Variants in QRICH1 observed in about 807,000 individuals in gnomAD.
QRICH1 encodes the protein glutamine rich 1.
QRICH1 carries 16 observed loss-of-function variants against 87.1 expected under a neutral mutation model. The observed-to-expected ratio is 0.18, with a 90% CI of 0.12 to 0.28. The LOEUF is 0.28. Among genes scored for constraint, QRICH1 ranks in the 10% least tolerant of loss-of-function variants. The pLI is 1.00. For synonymous variants in QRICH1, 367 were observed against 368.4 expected (o/e 1.00, Z 0.05); for missense variants, 647 against 951.7 (o/e 0.68, Z 4.21).
rs1038971143 is a variant in QRICH1, at chr3:49,062,289, C to T, written c.310-4399G>A. On this transcript the variant is annotated intron_variant, in intron 2 of 9. Transcript: ENST00000395443. ...GGTGGAAGCTAGTGAGCCGAGATGG[C>T]GCCACTATACCCAGCCCAGTCAAGG... Among the ~76,000 whole-genome samples the T allele has an allele frequency of 6.7e-5, 10 of 150,318 alleles. No homozygotes were observed. The East Asian group carries it at 1.8e-3, about 26-fold the overall frequency.
chr3:49,069,392 A>C (rs1400030778), intron 2 of QRICH1, among the ~76,000 whole-genome samples: 1 of 151,776 alleles, frequency 6.6e-6, no homozygotes, highest in Non-Finnish European at 1.5e-5. Context: ...ATGAGCCACC[A>C]CACACAGCTG....
intron 3 of QRICH1, among the ~76,000 whole-genome samples, chr3:49,052,061 TATG>T (rs2093374175): frequency 6.6e-6 from 1 of 152,206 alleles, no homozygotes; most frequent in African/African-American, 2.4e-5. Context: ...TCTTGTATTT[TATG>T]ATTATTCTAT....
intron 8 of QRICH1, 72 bp downstream of exon 8, chr3:49,032,550 T>C: frequency 6.8e-7 from 1 of 1,466,456 alleles, no homozygotes. Context: ...ATCACTAGCC[T>C]CACAGGCACA....
chr3:49,087,486 A>G (rs1357638676), intron 1 of QRICH1, among the ~76,000 whole-genome samples: 1 of 151,528 alleles, frequency 6.6e-6, no homozygotes, highest in Non-Finnish European at 1.5e-5. Flanking sequence ...CGAAGGTTGC[A>G]GTGAGCCACG....
At position 49,057,076 on chromosome 3, in the gene QRICH1, ACCT is replaced by A; in HGVS notation, c.1121_1123del (p.Glu374del). On this transcript the variant is annotated inframe_deletion, in exon 3 of 10. Coordinates refer to ENST00000395443, the MANE Select transcript of QRICH1 (RefSeq NM_198880.3). The surrounding 1 kb of genome is among the most constrained non-coding windows in gnomAD (Gnocchi z 5.4). Reference sequence around the variant, plus strand: ...GAGAGAGTTTGCAAGGGTCTGCACTACCTCTTCATGGGAGTTTTTCACTACAGA... The same window carrying A: ...GAGAGAGTTTGCAAGGGTCTGCACTACTTCATGGGAGTTTTTCACTACAGA... 2.5e-6 allele frequency: 4 copies of A among 1,614,106 alleles called. No homozygotes were observed. The highest frequency in any genetic ancestry group is 3.4e-6 in the Non-Finnish European group (4 of 1,180,014).
At chr3:49,085,364 C>T (rs1438297839) in intron 1 of QRICH1, among the ~76,000 whole-genome samples, 3 of 149,868 alleles carry the variant, frequency 2.0e-5, no homozygotes, top group African/African-American at 7.4e-5. Context: ...ACGGTGAAAC[C>T]CCATCTCTAC....
chr3:49,044,499 A>G lies in QRICH1; in HGVS notation c.1677T>C (p.Leu559=). Residue 559 remains leucine, a synonymous_variant, in exon 6 of 10, where the codon CTT becomes CTC. Transcript: ENST00000395443. ...TGTCATCTACCCTTCCATTTTCAAA[A>G]AGATACTAAAAGAAAAACAATTAAT... ...YYIFLCIQKY[L]FENGRVDDIF... 6.3e-7 allele frequency: 1 copy of G among 1,596,050 alleles called. No homozygotes were observed. Among genetic ancestry groups the G allele is most frequent in the Non-Finnish European group, 8.6e-7 (1 of 1,165,302 alleles).
At chr3:49,066,748 A>C (rs1257410671) in intron 2 of QRICH1, among the ~76,000 whole-genome samples, 2 of 152,180 alleles carry the variant, frequency 1.3e-5, no homozygotes, top group Non-Finnish European at 2.9e-5. Flanking sequence ...CTTAGAAATC[A>C]TTTAAAAGGC....
intron 6 of QRICH1, among the ~76,000 whole-genome samples, chr3:49,034,604 G>A (rs190676697): frequency 2.2e-4 from 33 of 152,212 alleles, no homozygotes; most frequent in Non-Finnish European, 4.0e-4. Flanking sequence ...GAACCACCAC[G>A]CCTAGCCAAT....
chr3:49,092,209 G>C (rs1303304432), intron 1 of QRICH1: 1 of 152,140 alleles, frequency 6.6e-6, no homozygotes, highest in Non-Finnish European at 1.5e-5. Context: ...TATCCTAAGA[G>C]GAGAAAACTG....
chr3:49,030,708 T>A, intron 9 of QRICH1, 64 bp from the exon 10 acceptor site: 1 of 1,367,390 alleles, frequency 7.3e-7, no homozygotes, highest in South Asian at 1.4e-5. Flanking sequence ...CACCCTGAAC[T>A]TCCCAGACAG....
intron 1 of QRICH1, among the ~76,000 whole-genome samples, chr3:49,081,147 T>G (rs1202797967): frequency 2.0e-5 from 3 of 152,224 alleles, no homozygotes; most frequent in Non-Finnish European, 2.9e-5. Flanking sequence ...CCAGGTGCGG[T>G]GGCTCAGGCC....
chr3:49,077,638 G>A lies in QRICH1; in HGVS notation c.-21-600C>T, dbSNP rs2041975067. ...GTTAAAAGCATGGACTCTGGAGCCAGGCTGCCTGGGTTCAAATCCCAACTT... is the reference window on the plus strand; with the variant it reads ...GTTAAAAGCATGGACTCTGGAGCCAAGCTGCCTGGGTTCAAATCCCAACTT... On this transcript the variant is annotated intron_variant, in intron 1 of 9. Coordinates refer to ENST00000395443, the MANE Select transcript of QRICH1 (RefSeq NM_198880.3). Among the ~76,000 whole-genome samples the A allele has an allele frequency of 1.3e-5, 2 of 152,224 alleles. 1 individual carries two copies. The highest frequency in any genetic ancestry group is 4.1e-4 in the South Asian group (2 of 4,838).
intron 5 of QRICH1, 132 bp downstream of exon 5, chr3:49,046,293 T>C (rs1181679498): frequency 2.0e-6 from 2 of 1,003,464 alleles, no homozygotes; most frequent in African/African-American, 3.3e-5. Context: ...AAATGTGTAT[T>C]TTAAAACTCA....
rs1171685612 is a variant in QRICH1 at position 49,057,267 on chromosome 3, G to A, written c.933C>T (p.Ile311=). 1.2e-6 allele frequency: 2 copies of A among 1,614,118 alleles called. No individual in the cohort carries two copies. The highest frequency in any genetic ancestry group is 1.7e-5 in the Admixed American group (1 of 59,994). ...CCCGGGGCTGGGCAGAATAAACAGG[G>A]ATGGTCCAGGTTTCTCCTGTAGGGC... is the stretch of plus-strand genomic sequence containing the variant. ...ITSPTGETWT[I]PVYSAQPRGD... The change falls in exon 3 of 10, where the codon ATC becomes ATT. Residue 311 remains isoleucine (I), a synonymous_variant. Transcript: ENST00000395443. This position sits in a 1 kb window ranked among gnomAD's most constrained non-coding sequence, Gnocchi z 5.4.
chr3:49,052,694 G>A (rs1009194097), intron 3 of QRICH1, among the ~76,000 whole-genome samples: 6 of 151,938 alleles, frequency 3.9e-5, no homozygotes, highest in African/African-American at 1.2e-4. Flanking sequence ...TAGTAGAGAC[G>A]GGGTTTCACC....
intron 3 of QRICH1, among the ~76,000 whole-genome samples, chr3:49,056,512 A>C (rs532620432): frequency 6.6e-6 from 1 of 152,330 alleles, no homozygotes; most frequent in Non-Finnish European, 1.5e-5. Context: ...CTTATGATAC[A>C]AGGAAACAGC....
chr3:49,055,284 T>C (rs746966783), intron 3 of QRICH1, among the ~76,000 whole-genome samples: 3 of 152,148 alleles, frequency 2.0e-5, no homozygotes, highest in Admixed American at 6.5e-5. Context: ...CCCACAAACA[T>C]ATGCATGCTC....
chr3:49,056,628 CA>C lies in QRICH1; in HGVS notation c.1338+233del, dbSNP rs1306481029. The C allele has an allele frequency of 1.8e-5, 14 of 757,712 alleles. No homozygotes were observed. The East Asian group carries it at 3.4e-4, about 18-fold the overall frequency. 46.9% of individuals were successfully genotyped at this position (757,712 alleles called of 1,614,324 possible). ...ATGGTACTTAAACCCAAAATGTCTCCAAAACTCCAAAGCAATTCCTGGCCAT... is the reference window on the plus strand; with the variant it reads ...ATGGTACTTAAACCCAAAATGTCTCCAAACTCCAAAGCAATTCCTGGCCAT... On this transcript the variant is annotated intron_variant, in intron 3 of 9. Coordinates refer to ENST00000395443, the MANE Select transcript of QRICH1 (RefSeq NM_198880.3).
Sources: allele counts gnomAD v4.1 joint callset (sites outside exome capture counted in the v4.1 genomes callset), GRCh38; gene constraint gnomAD v4.1.1; non-coding constraint Gnocchi (gnomAD v3.1); transcripts MANE v1.5; gene names NCBI Gene and HGNC (gene_info 2026-07-23, HGNC 2026-07-21).